Variants in ADAMTS2 observed in about 807,000 individuals in gnomAD.
ADAMTS2 encodes the protein A disintegrin and metalloproteinase with thrombospondin motifs 2.
ADAMTS2 carries 50 observed loss-of-function variants against 123.0 expected under a neutral mutation model. That is an observed-to-expected ratio of 0.41 (90% CI 0.32 to 0.51). ADAMTS2 has a LOEUF of 0.51. Ranked by LOEUF, ADAMTS2 falls within the 20% of genes least tolerant of loss-of-function variation. The pLI, the probability that ADAMTS2 is intolerant of heterozygous loss-of-function variation, is 0.35. For missense variants in ADAMTS2, 1,494 were observed against 1,705.2 expected, an observed-to-expected ratio of 0.88 and a Z score of 2.18; for synonymous variants, 678 against 695.4, an observed-to-expected ratio of 0.98 and a Z score of 0.39.
rs1561730374 is a variant in ADAMTS2 at position 179,314,345 on chromosome 5, G to C, written c.534+29422C>G. 6.6e-6 allele frequency among the ~76,000 whole-genome samples: 1 copy of C among 152,226 alleles called. No individual in the cohort carries two copies. The highest frequency in any genetic ancestry group is 2.1e-4 in the South Asian group (1 of 4,834). On this transcript the variant is annotated intron_variant, in intron 2 of 21. Coordinates refer to ENST00000251582, the MANE Select transcript of ADAMTS2 (RefSeq NM_014244.5). The surrounding 1 kb of genome is among the most constrained non-coding windows in gnomAD (Gnocchi z 4.5). Reference sequence around the variant, plus strand: ...GGCTGCCACGTCTCACTGGGAGCTGGGCGGCCGCCAGCTCTGAGCTAAGTG... The same window carrying C: ...GGCTGCCACGTCTCACTGGGAGCTGCGCGGCCGCCAGCTCTGAGCTAAGTG...
chr5:179,229,651 T>C (rs1765365107), intron 3 of ADAMTS2, among the ~76,000 whole-genome samples: 4 of 152,078 alleles, frequency 2.6e-5, no homozygotes, highest in Admixed American at 2.0e-4. Context: ...AGGAAGCCCT[T>C]CCTCTGCAGC....
Position 179,180,569 on chromosome 5 carries a change from C to A in ADAMTS2, c.975+503G>T, listed in dbSNP as rs984875506. 1.3e-5 allele frequency among the ~76,000 whole-genome samples: 2 copies of A among 152,258 alleles called. No homozygotes were observed. Among genetic ancestry groups the A allele is most frequent in the African/African-American group, 4.8e-5 (2 of 41,540 alleles). On this transcript the variant is annotated intron_variant, in intron 5 of 21. Coordinates refer to ENST00000251582, the MANE Select transcript of ADAMTS2 (RefSeq NM_014244.5). This position sits in a 1 kb window ranked among gnomAD's most constrained non-coding sequence, Gnocchi z 4.6. ...AAACCAACCAATCCAGCGCCCATGT[C>A]CCCAGCCACCTCCTTTATCAGACTT...
At chr5:179,191,011 C>T (rs1208994962) in intron 4 of ADAMTS2, among the ~76,000 whole-genome samples, 1 of 152,260 alleles carries the variant, frequency 6.6e-6, no homozygotes, top group Non-Finnish European at 1.5e-5. Context: ...AGCCATGCCA[C>T]CACTTAGGGA....
chr5:179,229,881 CCT>C (rs1765369456), intron 3 of ADAMTS2, among the ~76,000 whole-genome samples: 1 of 152,302 alleles, frequency 6.6e-6, no homozygotes, highest in East Asian at 1.9e-4. Context: ...GGCGCATGCC[CCT>C]GTCAGCTGGC....
At chr5:179,210,593 G>A (rs1356408091) in intron 3 of ADAMTS2, among the ~76,000 whole-genome samples, 1 of 152,248 alleles carries the variant, frequency 6.6e-6, no homozygotes, top group Non-Finnish European at 1.5e-5. Flanking sequence ...TGGGTGAGGA[G>A]AGGAAGACAG....
intron 3 of ADAMTS2, among the ~76,000 whole-genome samples, chr5:179,266,390 C>T (rs746184763): frequency 6.6e-6 from 1 of 151,912 alleles, no homozygotes; most frequent in Non-Finnish European, 1.5e-5. Context: ...AGAGGGAGAG[C>T]TGGCTATAGA....
At chr5:179,283,055 T>C (rs925701810) in intron 2 of ADAMTS2, among the ~76,000 whole-genome samples, 1 of 152,016 alleles carries the variant, frequency 6.6e-6, no homozygotes, top group African/African-American at 2.4e-5. Flanking sequence ...CTGCTTGGCA[T>C]CCCTCCCCAG....
chr5:179,187,195 T>C (rs904125459), intron 4 of ADAMTS2, among the ~76,000 whole-genome samples: 2 of 152,052 alleles, frequency 1.3e-5, no homozygotes, highest in Non-Finnish European at 2.9e-5. Context: ...AAAAGACTCA[T>C]CCTAAAAAAT....
At position 179,137,779 on chromosome 5, in the gene ADAMTS2, C is replaced by T. The variant is rs1023517184; in HGVS notation, c.1941G>A (p.Glu647=). The T allele has an allele frequency of 6.6e-7, 1 of 1,509,074 alleles. No homozygotes were observed. The highest frequency in any genetic ancestry group is 8.9e-7 in the Non-Finnish European group (1 of 1,124,794). The allele number at this position is 1,509,074 out of a possible 1,614,324, so 93.5% of individuals were successfully genotyped here. ...CCCAGAAGGGCTCACCATCCCGGTGCTCGTGGGGCAGCCAGTGGTGCTGGG... is the reference window on the plus strand; with the variant it reads ...CCCAGAAGGGCTCACCATCCCGGTGTTCGTGGGGCAGCCAGTGGTGCTGGG... ...GDAQHHWLPH[E]HRDAKERCHL... The change falls in exon 12 of 22, where the codon GAG becomes GAA. Residue 647 remains glutamate (E), a synonymous_variant. Coordinates refer to ENST00000251582, the MANE Select transcript of ADAMTS2 (RefSeq NM_014244.5).
intron 5 of ADAMTS2, among the ~76,000 whole-genome samples, chr5:179,171,468 C>G (rs949200756): frequency 2.0e-5 from 3 of 152,238 alleles, no homozygotes; most frequent in African/African-American, 7.2e-5. Context: ...TAGGTCCAAC[C>G]TAAAGCAACG....
At position 179,152,184 on chromosome 5, in the gene ADAMTS2, C is replaced by T; in HGVS notation, c.1587G>A (p.Lys529=). ...TAGTCCCGTCCAAGGGGGGCCCCTT[C>T]TTGGTCTTGCAAAAGTAGGGGTTGT... ...HPDNPYFCKT[K]KGPPLDGTMC... The change falls in exon 10 of 22, where the codon AAG becomes AAA. Residue 529 remains lysine, a synonymous_variant. Coordinates refer to ENST00000251582, the MANE Select transcript of ADAMTS2 (RefSeq NM_014244.5). 6.2e-7 allele frequency: 1 copy of T among 1,614,044 alleles called. No individual in the cohort carries two copies. Among genetic ancestry groups the T allele is most frequent in the Non-Finnish European group, 8.5e-7 (1 of 1,179,932 alleles).
intron 2 of ADAMTS2, among the ~76,000 whole-genome samples, chr5:179,323,803 T>A (rs1187305744): frequency 6.6e-6 from 1 of 152,258 alleles, no homozygotes; most frequent in Non-Finnish European, 1.5e-5. Context: ...GGTCTTATTA[T>A]TTAATGCATC....
intron 2 of ADAMTS2, chr5:179,341,268 TC>T: frequency 3.2e-6 from 1 of 310,888 alleles, no homozygotes; most frequent in South Asian, 2.5e-5. Flanking sequence ...AGGCCTGTAA[TC>T]CCAGCACTTT....
At chr5:179,146,440 T>G (rs1327144189) in intron 10 of ADAMTS2, among the ~76,000 whole-genome samples, 1 of 152,202 alleles carries the variant, frequency 6.6e-6, no homozygotes, top group African/African-American at 2.4e-5. Context: ...GAGCTTGACT[T>G]TAAGACACTC....
intron 5 of ADAMTS2, among the ~76,000 whole-genome samples, chr5:179,177,585 A>AT (rs1394298987): frequency 2.0e-5 from 3 of 152,170 alleles, no homozygotes; most frequent in East Asian, 1.9e-4. Context: ...CATATTCTCC[A>AT]TTTTTTGGAG....
At chr5:179,276,846 T>G (rs1026638846) in intron 2 of ADAMTS2, among the ~76,000 whole-genome samples, 1 of 152,144 alleles carries the variant, frequency 6.6e-6, no homozygotes, top group African/African-American at 2.4e-5. Flanking sequence ...GAGCCATCGA[T>G]GCCACAGGCC....
rs111435286 is a variant in ADAMTS2, at chr5:179,114,986, C to G, written c.3179-662G>C. On this transcript the variant is annotated intron_variant, in intron 21 of 21. Coordinates refer to ENST00000251582, the MANE Select transcript of ADAMTS2 (RefSeq NM_014244.5). ...TACTTGCCTCAACTTACCCAACAAC[C>G]TCATTTCCAGCCTCTGCTCCATCCC... 3.5e-3 allele frequency among the ~76,000 whole-genome samples: 531 copies of G among 152,326 alleles called. 1 individual carries two copies. The highest frequency in any genetic ancestry group is 0.012 in the African/African-American group (482 of 41,566).
At chr5:179,194,111 G>T (rs766884349) in intron 4 of ADAMTS2, among the ~76,000 whole-genome samples, 2 of 152,200 alleles carry the variant, frequency 1.3e-5, no homozygotes, top group African/African-American at 4.8e-5. Context: ...AGTTCCCCGC[G>T]GGAGGCCAAG....
chr5:179,342,899 A>T (rs1757818207), intron 2 of ADAMTS2, among the ~76,000 whole-genome samples: 1 of 152,224 alleles, frequency 6.6e-6, no homozygotes, highest in African/African-American at 2.4e-5. Flanking sequence ...TCCAGGAAGC[A>T]GAGCTTCCCA....
Sources: allele counts gnomAD v4.1 joint callset (sites outside exome capture counted in the v4.1 genomes callset), GRCh38; gene constraint gnomAD v4.1.1; non-coding constraint Gnocchi (gnomAD v3.1); transcripts MANE v1.5; gene names NCBI Gene and HGNC (gene_info 2026-07-23, HGNC 2026-07-21).